Variants in BAIAP2 observed in about 807,000 individuals in gnomAD.
BAIAP2 encodes BAR/IMD domain containing adaptor protein 2.
In BAIAP2, 18 loss-of-function variants were observed where a neutral mutation model predicts 63.0. The observed-to-expected ratio is 0.29, with a 90% confidence interval of 0.20 to 0.42. The LOEUF (loss-of-function observed/expected upper bound fraction) is 0.42, where lower values mean the gene tolerates loss of function less well. Ranked by LOEUF, BAIAP2 falls within the 10% of genes least tolerant of loss-of-function variation. The pLI is 1.00. For missense variants in BAIAP2, 610 were observed against 734.3 expected, an observed-to-expected ratio of 0.83 and a Z score of 1.96; for synonymous variants, 386 against 307.6, an observed-to-expected ratio of 1.25 and a Z score of -2.67.
In BAIAP2 at chr17:81,046,763, C is replaced by T. The variant is rs570879553; in HGVS notation, c.55-6905C>T. Among the ~76,000 whole-genome samples the T allele has an allele frequency of 1.1e-4, 17 of 152,210 alleles. No individual in the cohort carries two copies. The highest frequency in any genetic ancestry group is 3.9e-4 in the African/African-American group (16 of 41,520). ...TGCTGTACATGTGGCCGGGGGTTTC[C>T]AGGCTTGGCTCTGTCCCGTGCGCCC... On this transcript the variant is annotated intron_variant, in intron 1 of 13. Coordinates refer to ENST00000428708, the MANE Select transcript of BAIAP2 (RefSeq NM_001144888.2). The surrounding 1 kb of genome is among the most constrained non-coding windows in gnomAD (Gnocchi z 4.5).
Position 81,106,096 on chromosome 17 carries a change from C to T in BAIAP2, c.1287C>T (p.Phe429=). The change falls in exon 11 of 14, where the codon TTC becomes TTT. Residue 429 remains phenylalanine, a synonymous_variant. Coordinates refer to ENST00000428708, the MANE Select transcript of BAIAP2 (RefSeq NM_001144888.2). Reference sequence around the variant, plus strand: ...CTTCCAGGCGGGGCTGGTTTCCCTTCTCCTACACCCGGGTCTTGGACAGCG... The same window carrying T: ...CTTCCAGGCGGGGCTGGTTTCCCTTTTCCTACACCCGGGTCTTGGACAGCG... ...EKTKMRGWFP[F]SYTRVLDSDG... 1 of 1,581,302 alleles carries T rather than the reference C, an allele frequency of 6.3e-7. No individual in the cohort carries two copies. Among genetic ancestry groups the T allele is most frequent in the East Asian group, 2.3e-5 (1 of 43,648 alleles).
Position 81,046,081 on chromosome 17 carries a change from C to T in BAIAP2, c.55-7587C>T, listed in dbSNP as rs147227830. Among the ~76,000 whole-genome samples the T allele has an allele frequency of 1.3e-5, 2 of 152,230 alleles. No homozygotes were observed. The highest frequency in any genetic ancestry group is 4.8e-5 in the African/African-American group (2 of 41,540). The stretch of plus-strand genomic sequence containing the variant: ...CTCGGCTGTGGGGACCCTATTAATA[C>T]TCACAGGGAGGCAGAGCTGCCGGCT... On this transcript the variant is annotated intron_variant, in intron 1 of 13. Coordinates refer to ENST00000428708, the MANE Select transcript of BAIAP2 (RefSeq NM_001144888.2). The surrounding 1 kb of genome is among the most constrained non-coding windows in gnomAD (Gnocchi z 4.5).
intron 13 of BAIAP2, among the ~76,000 whole-genome samples, chr17:81,112,888 C>CAA (rs796419504): frequency 2.0e-5 from 3 of 146,460 alleles, no homozygotes; most frequent in African/African-American, 7.5e-5. Context: ...CCCATCTTGA[C>CAA]AAAAAAAAAA....
chr17:81,115,320 G>A (rs1015044776), intron 13 of BAIAP2, among the ~76,000 whole-genome samples: 1 of 152,242 alleles, frequency 6.6e-6, no homozygotes. Flanking sequence ...TGCCAGGGCT[G>A]GGCTGGACGC....
At chr17:81,092,366 G>T (rs1320947967) in intron 6 of BAIAP2, among the ~76,000 whole-genome samples, 2 of 152,232 alleles carry the variant, frequency 1.3e-5, no homozygotes, top group Non-Finnish European at 2.9e-5. Flanking sequence ...CAGGCCTTCA[G>T]CCTGAGCTGA....
Position 81,035,185 on chromosome 17 carries a change from C to T in BAIAP2, c.-70C>T, listed in dbSNP as rs1256689017. Reference sequence around the variant, plus strand: ...GTCCGCTTTCGTCTCCGTCCTGCTGCCGTTACCGCCGCTGCTGCCGCCGCT... The same window carrying T: ...GTCCGCTTTCGTCTCCGTCCTGCTGTCGTTACCGCCGCTGCTGCCGCCGCT... On this transcript the variant is annotated 5_prime_UTR_variant, in exon 1 of 14. Transcript: ENST00000428708. The T allele has an allele frequency of 1.1e-5, 15 of 1,306,940 alleles. No homozygotes were observed. Among genetic ancestry groups the T allele is most frequent in the East Asian group, 3.3e-5 (1 of 30,470 alleles). 81.0% of individuals were successfully genotyped at this position (1,306,940 alleles called of 1,614,324 possible).
At chr17:81,035,593 C>A (rs1247087864) in intron 1 of BAIAP2, among the ~76,000 whole-genome samples, 2 of 150,318 alleles carry the variant, frequency 1.3e-5, no homozygotes, top group African/African-American at 4.9e-5. Context: ...CTCCCCGCTC[C>A]GACGGCCCTG....
chr17:81,064,785 G>C (rs769673435), intron 3 of BAIAP2, among the ~76,000 whole-genome samples: 2 of 151,818 alleles, frequency 1.3e-5, no homozygotes, highest in Admixed American at 6.6e-5. Flanking sequence ...ACAGACGGAA[G>C]GGCCTCCCGT....
chr17:81,091,619 G>A lies in BAIAP2; in HGVS notation c.489+5039G>A, dbSNP rs188859744. Among the ~76,000 whole-genome samples, 24 of 152,332 alleles carry A rather than the reference G, an allele frequency of 1.6e-4. No homozygotes were observed. The East Asian group carries it at 3.5e-3, about 22-fold the overall frequency. ...CTGAGAGAGGCAGGTGTGCCCACACGTCGTTGGAGTGCAGGGCAGGAGTCT... is the reference window on the plus strand; with the variant it reads ...CTGAGAGAGGCAGGTGTGCCCACACATCGTTGGAGTGCAGGGCAGGAGTCT... On this transcript the variant is annotated intron_variant, in intron 6 of 13. Coordinates refer to ENST00000428708, the MANE Select transcript of BAIAP2 (RefSeq NM_001144888.2).
At chr17:81,110,856 C>T in intron 13 of BAIAP2, 1 of 1,608,314 alleles carries the variant, frequency 6.2e-7, no homozygotes, top group Non-Finnish European at 8.5e-7. Context: ...CCCTCCTCTG[C>T]ACCCCCGAGT....
In BAIAP2 at chr17:81,058,085, GAA is replaced by G. The variant is rs375052935; in HGVS notation, c.217+121_217+122del. On this transcript the variant is annotated intron_variant, in intron 3 of 13. Coordinates refer to ENST00000428708, the MANE Select transcript of BAIAP2 (RefSeq NM_001144888.2). ...GGATCAGGTTTTGCCTGTCAAATAG[GAA>G]AATATTTTAATGACAGTCACCCTGG... is the stretch of plus-strand genomic sequence containing the variant. The G allele has an allele frequency of 2.3e-5, 19 of 824,658 alleles. No individual in the cohort carries two copies. The East Asian group carries it at 3.6e-4, about 16-fold the overall frequency. The allele number at this position is 824,658 out of a possible 1,614,324, so 51.1% of individuals were successfully genotyped here. A position where few individuals can be genotyped will look rare whatever the true frequency, so the allele number is the denominator to read the frequency against.
chr17:81,101,020 T>C (rs1348331924), intron 7 of BAIAP2, among the ~76,000 whole-genome samples: 2 of 152,064 alleles, frequency 1.3e-5, no homozygotes, highest in African/African-American at 4.8e-5. Context: ...CGGTAGACTC[T>C]TGGCCCTGTG....
intron 6 of BAIAP2, chr17:81,087,907 T>C (rs897109834): frequency 3.3e-5 from 5 of 152,028 alleles, no homozygotes; most frequent in Non-Finnish European, 7.4e-5. Flanking sequence ...GCTGCCATCA[T>C]GGGTCTTTCT....
Position 81,086,542 on chromosome 17 carries a change from A to T in BAIAP2, c.451A>T (p.Ser151Cys). Reference protein sequence around the residue: ...LKKLRKKSQGSKNPQKYSDKE... With the variant: ...LKKLRKKSQGCKNPQKYSDKE... ...GAAGCTTCGGAAGAAGAGCCAGGGC[A>T]GCAAGAATCCTCAGAAGTACTCGGA... The change falls in exon 6 of 14, where the codon AGC (serine) becomes TGC (cysteine). Residue 151 changes from serine (S) to cysteine (C), a missense_variant. Coordinates refer to ENST00000428708, the MANE Select transcript of BAIAP2 (RefSeq NM_001144888.2). The T allele has an allele frequency of 6.2e-7, 1 of 1,613,876 alleles. No individual in the cohort carries two copies. The highest frequency in any genetic ancestry group is 8.5e-7 in the Non-Finnish European group (1 of 1,180,024).
chr17:81,060,041 G>A (rs116106723), intron 3 of BAIAP2, among the ~76,000 whole-genome samples: 4,791 of 152,292 alleles, frequency 0.031, 92 homozygotes, highest in Middle Eastern at 0.065. Flanking sequence ...ATCAGGGAGC[G>A]TCTGTTTACC....
chr17:81,052,003 T>C (rs977667755), intron 1 of BAIAP2, among the ~76,000 whole-genome samples: 1 of 152,242 alleles, frequency 6.6e-6, no homozygotes, highest in Non-Finnish European at 1.5e-5. Context: ...CGGAATCTCT[T>C]AAATGTAGCT....
chr17:81,066,005 T>G (rs2051390161), intron 3 of BAIAP2, among the ~76,000 whole-genome samples: 1 of 152,232 alleles, frequency 6.6e-6, no homozygotes, highest in Non-Finnish European at 1.5e-5. Flanking sequence ...CTTTGTGTGG[T>G]CAGACCCGCA....
At chr17:81,097,168 G>A (rs2057767818) in intron 6 of BAIAP2, among the ~76,000 whole-genome samples, 1 of 152,232 alleles carries the variant, frequency 6.6e-6, no homozygotes, top group Admixed American at 6.5e-5. Flanking sequence ...AGCGCCTCTG[G>A]AGGGTCAAGG....
chr17:81,077,776 G>A (rs2053911164), intron 3 of BAIAP2, among the ~76,000 whole-genome samples: 1 of 152,120 alleles, frequency 6.6e-6, no homozygotes, highest in African/African-American at 2.4e-5. Context: ...GTACCGTTTT[G>A]GGTGGGAGCC....
Sources: allele counts gnomAD v4.1 joint callset (sites outside exome capture counted in the v4.1 genomes callset), GRCh38; gene constraint gnomAD v4.1.1; non-coding constraint Gnocchi (gnomAD v3.1); transcripts MANE v1.5; gene names NCBI Gene and HGNC (gene_info 2026-07-23, HGNC 2026-07-21).